The following RALGPS1 variants were observed in gnomAD, a reference collection of about 807,000 sequenced individuals.
RALGPS1 encodes the protein Ral GEF with PH domain and SH3 binding motif 1, also known as ras-specific guanine nucleotide-releasing factor RalGPS1.
RALGPS1 carries 19 observed loss-of-function variants against 78.8 expected under a neutral mutation model. The observed-to-expected ratio is 0.24, with a 90% CI of 0.17 to 0.35. The LOEUF (loss-of-function observed/expected upper bound fraction) is 0.35, where lower values mean the gene tolerates loss of function less well. Ranked by LOEUF, RALGPS1 falls within the 10% of genes least tolerant of loss-of-function variation. RALGPS1 has a pLI of 1.00. For missense variants in RALGPS1, 454 were observed against 688.3 expected, an observed-to-expected ratio of 0.66 and a Z score of 3.81; for synonymous variants, 228 against 256.3, an observed-to-expected ratio of 0.89 and a Z score of 1.06.
At chr9:127,184,743 T>G (rs1426359176) in intron 11 of RALGPS1, among the ~76,000 whole-genome samples, 1 of 152,216 alleles carries the variant, frequency 6.6e-6, no homozygotes, top group Non-Finnish European at 1.5e-5. Flanking sequence ...CTCCAAAGAA[T>G]GAGACTGGAC....
chr9:127,068,182 G>T (rs552721837), intron 7 of RALGPS1, among the ~76,000 whole-genome samples: 1 of 152,270 alleles, frequency 6.6e-6, no homozygotes, highest in Non-Finnish European at 1.5e-5. Flanking sequence ...AGAAAAGAAG[G>T]TTATCTTCTT....
chr9:127,060,563 C>T (rs1473644419), intron 7 of RALGPS1, among the ~76,000 whole-genome samples: 1 of 152,052 alleles, frequency 6.6e-6, no homozygotes, highest in Non-Finnish European at 1.5e-5. Flanking sequence ...TTCAACTCTT[C>T]TTGACTATTC....
At chr9:127,119,613 T>C (rs1368410549) in intron 8 of RALGPS1, among the ~76,000 whole-genome samples, 1 of 152,172 alleles carries the variant, frequency 6.6e-6, no homozygotes, top group Non-Finnish European at 1.5e-5. Context: ...GAGGATGAAA[T>C]GACATAATGT....
intron 8 of RALGPS1, among the ~76,000 whole-genome samples, chr9:127,144,710 A>G (rs945448356): frequency 6.6e-6 from 1 of 152,264 alleles, no homozygotes; most frequent in Non-Finnish European, 1.5e-5. Flanking sequence ...AACACTGATG[A>G]ACCTTGAAAA....
rs755393439 is a variant in RALGPS1, at chr9:127,214,887, C to T, written c.1644+45C>T. The stretch of plus-strand genomic sequence containing the variant: ...GCTTGTCACCTGAAATATCCTCTCC[C>T]ACCCTTGGAACTAAGGGTCTTTAGA... On this transcript the variant is annotated intron_variant, in intron 18 of 18. Transcript: ENST00000259351. The T allele has an allele frequency of 4.3e-6, 7 of 1,611,790 alleles. No individual in the cohort carries two copies. The South Asian group carries it at 7.7e-5, about 18-fold the overall frequency.
chr9:126,937,635 G>C (rs891448089), intron 1 of RALGPS1, among the ~76,000 whole-genome samples: 5 of 152,234 alleles, frequency 3.3e-5, no homozygotes, highest in Non-Finnish European at 7.3e-5. Context: ...TCCTGACCCA[G>C]TGTGGTTGCT....
At chr9:127,022,474 G>A (rs1261591720) in intron 4 of RALGPS1, among the ~76,000 whole-genome samples, 1 of 151,540 alleles carries the variant, frequency 6.6e-6, no homozygotes, top group Non-Finnish European at 1.5e-5. Context: ...GGTTTGGGGA[G>A]CCACCTCTGC....
chr9:127,202,458 G>A (rs998760673), intron 14 of RALGPS1, among the ~76,000 whole-genome samples: 4 of 152,116 alleles, frequency 2.6e-5, no homozygotes, highest in African/African-American at 4.8e-5. Flanking sequence ...TGAGGCCTGC[G>A]GAGCTGCTGT....
At chr9:127,151,316 T>C (rs2058408843) in intron 8 of RALGPS1, among the ~76,000 whole-genome samples, 1 of 151,024 alleles carries the variant, frequency 6.6e-6, no homozygotes, top group Non-Finnish European at 1.5e-5. Flanking sequence ...TTTTATGGCA[T>C]CCAAAATCCT....
intron 8 of RALGPS1, among the ~76,000 whole-genome samples, chr9:127,097,073 G>A (rs2053213713): frequency 6.6e-6 from 1 of 152,188 alleles, no homozygotes; most frequent in Non-Finnish European, 1.5e-5. Flanking sequence ...ACTTAGCTCT[G>A]TGTCCTTAGA....
chr9:127,134,228 G>A (rs980271615), intron 8 of RALGPS1, among the ~76,000 whole-genome samples: 1 of 152,098 alleles, frequency 6.6e-6, no homozygotes, highest in African/African-American at 2.4e-5. Flanking sequence ...TACACTAAAT[G>A]CAATTTAAAT....
At chr9:127,152,802 C>G (rs530346898) in intron 8 of RALGPS1, among the ~76,000 whole-genome samples, 12 of 152,152 alleles carry the variant, frequency 7.9e-5, no homozygotes, top group Non-Finnish European at 1.6e-4. Flanking sequence ...GTCTGTACCC[C>G]CATCTCCTCC....
chr9:126,932,698 A>G (rs2035897431), intron 1 of RALGPS1, among the ~76,000 whole-genome samples: 1 of 152,270 alleles, frequency 6.6e-6, no homozygotes, highest in Non-Finnish European at 1.5e-5. Context: ...ACATTATAAA[A>G]CAAAATGTTA....
chr9:127,100,574 G>T (rs755127699), intron 8 of RALGPS1, among the ~76,000 whole-genome samples: 4 of 152,204 alleles, frequency 2.6e-5, no homozygotes, highest in Admixed American at 6.5e-5. Context: ...CTCCCTGGGG[G>T]CAGTGGCCAG....
At chr9:126,952,342 G>A (rs1158964584) in intron 1 of RALGPS1, among the ~76,000 whole-genome samples, 1 of 152,184 alleles carries the variant, frequency 6.6e-6, no homozygotes, top group Non-Finnish European at 1.5e-5. Context: ...TTTGAAAGAA[G>A]TTGAGGAGGG....
chr9:127,020,236 A>G (rs1182680598), intron 4 of RALGPS1, among the ~76,000 whole-genome samples: 2 of 152,184 alleles, frequency 1.3e-5, no homozygotes, highest in Non-Finnish European at 2.9e-5. Context: ...CAGGGTTTTT[A>G]GCATACTCAT....
intron 14 of RALGPS1, among the ~76,000 whole-genome samples, chr9:127,199,466 C>T (rs1290581439): frequency 2.0e-5 from 3 of 152,084 alleles, no homozygotes; most frequent in Non-Finnish European, 2.9e-5. Context: ...CTCAGGCCTT[C>T]GGTATTTATT....
intron 7 of RALGPS1, among the ~76,000 whole-genome samples, chr9:127,058,521 G>A (rs965514789): frequency 6.6e-6 from 1 of 152,104 alleles, no homozygotes; most frequent in African/African-American, 2.4e-5. Context: ...GGCTGATATC[G>A]GATATGTTGG....
intron 8 of RALGPS1, among the ~76,000 whole-genome samples, chr9:127,115,912 G>A (rs966407237): frequency 2.0e-5 from 3 of 152,216 alleles, no homozygotes; most frequent in Admixed American, 1.3e-4. Flanking sequence ...GGAGGCCAGG[G>A]AGGGCATATC....
Sources: gnomAD v4.1 joint callset for allele counts (sites outside exome capture counted in the v4.1 genomes callset) on GRCh38, gnomAD v4.1.1 for gene constraint, MANE v1.5 for transcripts, NCBI Gene and HGNC (gene_info 2026-07-23, HGNC 2026-07-21) for gene names.